The following CRBN variants were observed in gnomAD, a reference collection of about 807,000 sequenced individuals.
CRBN encodes cereblon, also known as protein cereblon.
CRBN carries 53 observed loss-of-function variants against 62.2 expected under a neutral mutation model. The ratio of observed to expected loss-of-function variants is 0.85; its 90% CI spans 0.68 to 1.07. The LOEUF is 1.07. Among genes scored for constraint, CRBN ranks in the 50% least tolerant of loss-of-function variants. CRBN has a pLI of 0.00. For missense variants in CRBN, 616 were observed against 531.1 expected, an observed-to-expected ratio of 1.16 and a Z score of -1.57; for synonymous variants, 208 against 176.1, an observed-to-expected ratio of 1.18 and a Z score of -1.43.
intron 5 of CRBN, 49 bp from the exon 6 acceptor site, chr3:3,156,330 T>A: frequency 6.6e-7 from 1 of 1,505,992 alleles, no homozygotes; most frequent in Non-Finnish European, 9.2e-7. Flanking sequence ...GAATAAAGAT[T>A]CTAATGCTGG....
intron 2 of CRBN, 131 bp downstream of exon 2, chr3:3,175,032 G>T (rs116480455): frequency 0.7 from 457,432 of 649,624 alleles, 170,552 homozygotes; most frequent in Middle Eastern, 0.82. Flanking sequence ...TTATCTACTG[G>T]CAAATAGCCC....
chr3:3,174,946 G>C (rs1178963278), intron 2 of CRBN, among the ~76,000 whole-genome samples: 5 of 152,124 alleles, frequency 3.3e-5, no homozygotes. Context: ...ACCAGAAAGA[G>C]TATAAAGAGC....
At chr3:3,151,991 C>T (rs1256190743) in intron 10 of CRBN, among the ~76,000 whole-genome samples, 1 of 152,088 alleles carries the variant, frequency 6.6e-6, no homozygotes, top group Non-Finnish European at 1.5e-5. Flanking sequence ...TTCAGAATTA[C>T]ATGACTGACA....
chr3:3,159,633 G>C (rs915939379), intron 5 of CRBN, among the ~76,000 whole-genome samples: 1 of 152,140 alleles, frequency 6.6e-6, no homozygotes, highest in Non-Finnish European at 1.5e-5. Context: ...CTTCTTTTCA[G>C]AGTCAGAAGA....
In CRBN at chr3:3,150,811, C is replaced by T; in HGVS notation, c.*54G>A. 1 of 1,545,496 alleles carries T rather than the reference C, an allele frequency of 6.5e-7. No homozygotes were observed. The highest frequency in any genetic ancestry group is 8.9e-7 in the Non-Finnish European group (1 of 1,129,280). On this transcript the variant is annotated 3_prime_UTR_variant, in exon 11 of 11. Transcript: ENST00000231948. Reference sequence around the variant, plus strand: ...GTATCAGAGGCAATAATTTCCAAAGCAGATCTTAGAATATAACCAATTTGT... The same window carrying T: ...GTATCAGAGGCAATAATTTCCAAAGTAGATCTTAGAATATAACCAATTTGT...
intron 3 of CRBN, among the ~76,000 whole-genome samples, chr3:3,173,338 G>A (rs879411201): frequency 1.3e-5 from 2 of 152,148 alleles, no homozygotes; most frequent in African/African-American, 4.8e-5. Context: ...GAGTATAGGC[G>A]TGAGCTACCA....
chr3:3,155,508 A>ACT (rs1466159970), intron 6 of CRBN: 4 of 153,170 alleles, frequency 2.6e-5, no homozygotes. Context: ...CCCACAGAGT[A>ACT]AGTGACAGAA....
Position 3,150,161 on chromosome 3 carries a change from A to AAAAT in CRBN, c.*700_*703dup, listed in dbSNP as rs1706409329. 2.6e-5 allele frequency: 4 copies of AAAAT among 152,290 alleles called. 1 individual carries two copies. The South Asian group carries it at 6.2e-4, about 24-fold the overall frequency. The allele number at this position is 152,290 out of a possible 1,614,324, so 9.4% of individuals were successfully genotyped here. On this transcript the variant is annotated 3_prime_UTR_variant, in exon 11 of 11. Transcript: ENST00000231948. ...AGTTTTGGTTCAAATTAATTTTTGA[A>AAAAT]AAATAGCTTTTGTATGGAACAGTAT... is the stretch of plus-strand genomic sequence containing the variant.
chr3:3,159,457 G>A (rs931429327), intron 5 of CRBN, among the ~76,000 whole-genome samples: 1 of 152,168 alleles, frequency 6.6e-6, no homozygotes, highest in Non-Finnish European at 1.5e-5. Context: ...TAGTACAAAA[G>A]TGTAATTTCA....
chr3:3,175,252 C>T lies in CRBN; in HGVS notation c.85G>A (p.Asp29Asn). 1 of 1,610,644 alleles carries T rather than the reference C, an allele frequency of 6.2e-7. No homozygotes were observed. ...PLLPAESEEE[D>N]EMEVEDQDSK... ...TCCTGGTCTTCAACTTCCATTTCAT[C>T]TTCTTCCTCACTCTCTGCTATAAAA... Residue 29 changes from aspartate to asparagine, a missense_variant, in exon 2 of 11, where the codon GAT becomes AAT. By Grantham distance (23) the Asp-to-Asn change is conservative (BLOSUM62 1). Transcript: ENST00000231948.
intron 7 of CRBN, 45 bp from the exon 8 acceptor site, chr3:3,154,120 A>G (rs1025412294): frequency 9.0e-7 from 1 of 1,116,456 alleles, no homozygotes; most frequent in African/African-American, 1.5e-5. Flanking sequence ...GAGTCAGATA[A>G]GCATCAGAGA....
Position 3,150,745 on chromosome 3 carries a change from T to C in CRBN, c.*120A>G. The C allele has an allele frequency of 1.0e-6, 1 of 956,698 alleles. No homozygotes were observed. Among genetic ancestry groups the C allele is most frequent in the Non-Finnish European group, 1.6e-6 (1 of 638,376 alleles). 59.3% of individuals were successfully genotyped at this position (956,698 alleles called of 1,614,324 possible). A position where few individuals can be genotyped will look rare whatever the true frequency, so the allele number is the denominator to read the frequency against. On this transcript the variant is annotated 3_prime_UTR_variant, in exon 11 of 11. Coordinates refer to ENST00000231948, the MANE Select transcript of CRBN (RefSeq NM_016302.4). ...AGAAACTGCAACCCTCCAAGTAATG[T>C]TATGTTTACTTAGGTATTAATGTTA...
At chr3:3,153,884 A>G in intron 8 of CRBN, 76 bp downstream of exon 8, 1 of 880,876 alleles carries the variant, frequency 1.1e-6, no homozygotes, top group Non-Finnish European at 1.9e-6. Context: ...ACAGAGCTCC[A>G]TTGGCCCCAA....
chr3:3,179,535 C>T, intron 1 of CRBN, 86 bp downstream of exon 1: 4 of 1,363,098 alleles, frequency 2.9e-6, no homozygotes, highest in East Asian at 2.4e-5. Context: ...GGCGCCCCCA[C>T]GCCCGCCTCC....
At chr3:3,161,063 G>A (rs879583271) in intron 5 of CRBN, among the ~76,000 whole-genome samples, 9 of 152,210 alleles carry the variant, frequency 5.9e-5, no homozygotes, top group East Asian at 1.9e-4. Flanking sequence ...GCATGGGAAC[G>A]TCATTTTTGG....
Position 3,154,062 on chromosome 3 carries a change from T to G in CRBN, c.849A>C (p.Arg283Ser), listed in dbSNP as rs755304141. Residue 283 changes from arginine to serine, a missense_variant, in exon 8 of 11, where the codon AGA (arginine) becomes AGC (serine). Arg to Ser is a moderately radical substitution (Grantham distance 110). Coordinates refer to ENST00000231948, the MANE Select transcript of CRBN (RefSeq NM_016302.4). The stretch of plus-strand genomic sequence containing the variant: ...CATCAATAGGAAGACAAGCAGCTAC[T>G]CTGTAAGAAAAATCTTCAAGACATG... ...LPSNPIDFSY[R>S]VAACLPIDDV... 5.2e-5 allele frequency: 83 copies of G among 1,610,146 alleles called. No homozygotes were observed. Among genetic ancestry groups the G allele is most frequent in the Non-Finnish European group, 7.0e-5 (82 of 1,176,458 alleles).
chr3:3,160,160 G>A (rs903152166), intron 5 of CRBN, among the ~76,000 whole-genome samples: 45 of 152,088 alleles, frequency 3.0e-4, no homozygotes, highest in African/African-American at 1.0e-3. Flanking sequence ...CTATGGCTTC[G>A]GCTTTGCCTC....
intron 2 of CRBN, among the ~76,000 whole-genome samples, 187 bp downstream of exon 2, chr3:3,174,976 C>A (rs946661871): frequency 2.0e-5 from 3 of 152,158 alleles, no homozygotes; most frequent in Admixed American, 2.0e-4. Flanking sequence ...TCAAACAATT[C>A]TACCACAACA....
At chr3:3,175,767 G>T (rs1707805350) in intron 1 of CRBN, among the ~76,000 whole-genome samples, 1 of 152,124 alleles carries the variant, frequency 6.6e-6, no homozygotes, top group South Asian at 2.1e-4. Context: ...GTTTTGAGGA[G>T]TACTGGTCAG....
Sources: allele counts gnomAD v4.1 joint callset (sites outside exome capture counted in the v4.1 genomes callset), GRCh38; gene constraint gnomAD v4.1.1; transcripts MANE v1.5; gene names NCBI Gene and HGNC (gene_info 2026-07-23, HGNC 2026-07-21).